The following NRXN3 variants were observed in gnomAD, a reference collection of about 807,000 sequenced individuals.
NRXN3 encodes the protein neurexin III.
Under a neutral mutation model 137.6 loss-of-function variants are expected in NRXN3, and 32 were observed. The ratio of observed to expected loss-of-function variants is 0.23; its 90% confidence interval spans 0.18 to 0.31. NRXN3 has a LOEUF of 0.31. Among genes scored for constraint, NRXN3 ranks in the 10% least tolerant of loss-of-function variants. The pLI is 1.00. For synonymous variants in NRXN3, 798 were observed against 784.5 expected (o/e 1.02, Z -0.29); for missense variants, 1,574 against 2,062.5 (o/e 0.76, Z 4.59).
At chr14:79,401,554 A>C (rs2153492803) in intron 15 of NRXN3, among the ~76,000 whole-genome samples, 1 of 152,306 alleles carries the variant, frequency 6.6e-6, no homozygotes, top group South Asian at 2.1e-4. Context: ...CCTTTCTTGA[A>C]GAATAGCGTC....
At chr14:78,735,594 G>A (rs1392203825) in intron 8 of NRXN3, among the ~76,000 whole-genome samples, 1 of 152,148 alleles carries the variant, frequency 6.6e-6, no homozygotes, top group Non-Finnish European at 1.5e-5. Flanking sequence ...GTGAACACTA[G>A]GTTAGAGAAT....
intron 15 of NRXN3, among the ~76,000 whole-genome samples, chr14:79,223,617 G>A (rs1049394285): frequency 6.6e-5 from 10 of 152,082 alleles, no homozygotes; most frequent in Admixed American, 4.6e-4. Context: ...AATGTGGTCT[G>A]ATGGTGATCC....
intron 19 of NRXN3, among the ~76,000 whole-genome samples, chr14:79,708,810 C>T (rs1421472621): frequency 6.6e-6 from 1 of 152,154 alleles, no homozygotes; most frequent in East Asian, 1.9e-4. Context: ...ATTTCCTCAT[C>T]ATTCATGGAT....
At chr14:78,182,282 G>T (rs2059877844) in intron 1 of NRXN3, among the ~76,000 whole-genome samples, 1 of 151,992 alleles carries the variant, frequency 6.6e-6, no homozygotes, top group Non-Finnish European at 1.5e-5. Context: ...TACATGGAAA[G>T]GTGCCCAGTC....
At chr14:79,475,097 G>T (rs2153629507) in intron 16 of NRXN3, among the ~76,000 whole-genome samples, 1 of 152,258 alleles carries the variant, frequency 6.6e-6, no homozygotes, top group African/African-American at 2.4e-5. Context: ...ACTGTGGGGA[G>T]CTAAGTAGGT....
chr14:78,742,169 T>G (rs2098579423), intron 8 of NRXN3, among the ~76,000 whole-genome samples: 1 of 152,216 alleles, frequency 6.6e-6, no homozygotes, highest in African/African-American at 2.4e-5. Flanking sequence ...CTTCCAAATC[T>G]TCCTCTAGAA....
At chr14:79,415,844 A>G (rs904646517) in intron 15 of NRXN3, among the ~76,000 whole-genome samples, 1 of 152,134 alleles carries the variant, frequency 6.6e-6, no homozygotes, top group Non-Finnish European at 1.5e-5. Context: ...TGAACCATCT[A>G]GGAACTTATT....
intron 12 of NRXN3, 119 bp from the exon 13 acceptor site, chr14:78,967,089 C>T (rs2099419034): frequency 1.3e-6 from 1 of 759,966 alleles, no homozygotes; most frequent in Admixed American, 2.9e-5. Flanking sequence ...TAAATTATTC[C>T]TGCATTATGC....
intron 1 of NRXN3, among the ~76,000 whole-genome samples, chr14:78,179,842 G>GTTTCTTTTTTTTTT (rs2059648054): frequency 1.8e-5 from 2 of 109,156 alleles, no homozygotes; most frequent in African/African-American, 3.4e-5. Flanking sequence ...CTGTTTTTTT[G>GTTTCTTTTTTTTTT]TTTTTTTTTT....
chr14:79,140,091 G>A (rs529264390), intron 15 of NRXN3, among the ~76,000 whole-genome samples: 74 of 152,014 alleles, frequency 4.9e-4, no homozygotes, highest in Middle Eastern at 3.4e-3. Flanking sequence ...ATTGTCATTC[G>A]AACCAAACCC....
chr14:79,488,151 C>A (rs2096675019), intron 16 of NRXN3, among the ~76,000 whole-genome samples: 1 of 152,122 alleles, frequency 6.6e-6, no homozygotes, highest in Non-Finnish European at 1.5e-5. Context: ...AGTGACCTTA[C>A]CTAAAAGAGG....
intron 4 of NRXN3, among the ~76,000 whole-genome samples, chr14:78,307,421 G>T (rs1026322975): frequency 2.0e-5 from 3 of 151,930 alleles, no homozygotes; most frequent in African/African-American, 7.3e-5. Context: ...ATAATCAGTA[G>T]GCAGGCTCTA....
In NRXN3 at chr14:79,189,442, G is replaced by A. The variant is rs78534756; in HGVS notation, c.3262+201301G>A. On this transcript the variant is annotated intron_variant, in intron 15 of 20. Transcript: ENST00000335750. ...TAGGAGATATACCTAATGCTAAATG[G>A]CGAGTTAATGGGTGCAGCACACCAG... 3.6e-3 allele frequency among the ~76,000 whole-genome samples: 539 copies of A among 151,544 alleles called. 1 individual carries two copies. Among genetic ancestry groups the A allele is most frequent in the African/African-American group, 0.012 (486 of 41,268 alleles).
intron 16 of NRXN3, among the ~76,000 whole-genome samples, chr14:79,490,389 A>G (rs1189494398): frequency 1.3e-5 from 2 of 152,212 alleles, no homozygotes; most frequent in Non-Finnish European, 2.9e-5. Context: ...CACTTTTCAC[A>G]ATAGCTAATG....
intron 1 of NRXN3, among the ~76,000 whole-genome samples, chr14:78,187,790 T>C (rs1294448333): frequency 6.6e-6 from 1 of 151,540 alleles, no homozygotes; most frequent in Admixed American, 6.6e-5. Context: ...TGTTTTTTTT[T>C]TTTTTTTTGA....
intron 20 of NRXN3, among the ~76,000 whole-genome samples, chr14:79,846,818 T>G (rs1170169480): frequency 6.6e-6 from 1 of 152,168 alleles, no homozygotes; most frequent in Admixed American, 6.5e-5. Context: ...TCCTACCAAC[T>G]AGAATACTAA....
chr14:79,032,355 A>T (rs1335215229), intron 15 of NRXN3, among the ~76,000 whole-genome samples: 1 of 152,184 alleles, frequency 6.6e-6, no homozygotes, highest in Non-Finnish European at 1.5e-5. Flanking sequence ...AATAAGAATA[A>T]TACTAAGGCA....
At chr14:78,650,450 C>T (rs985025918) in intron 5 of NRXN3, among the ~76,000 whole-genome samples, 2 of 151,994 alleles carry the variant, frequency 1.3e-5, no homozygotes, top group African/African-American at 4.8e-5. Context: ...TATTATTCCT[C>T]ATCATTCATT....
At chr14:78,195,847 G>A (rs1197597328) in intron 1 of NRXN3, among the ~76,000 whole-genome samples, 1 of 152,150 alleles carries the variant, frequency 6.6e-6, no homozygotes, top group Non-Finnish European at 1.5e-5. Flanking sequence ...TGCTAGCTGG[G>A]CTCCATTGTA....
Sources: gnomAD v4.1 joint callset for allele counts (sites outside exome capture counted in the v4.1 genomes callset) on GRCh38, gnomAD v4.1.1 for gene constraint, MANE v1.5 for transcripts, NCBI Gene and HGNC (gene_info 2026-07-23, HGNC 2026-07-21) for gene names.